BBX: variants seen among roughly 807,000 people sequenced by gnomAD.
BBX encodes HMG box transcription factor BBX.
A neutral mutation model predicts 100.2 loss-of-function variants in BBX; 30 were observed. The ratio of observed to expected loss-of-function variants is 0.30; its 90% CI spans 0.22 to 0.41. The LOEUF (loss-of-function observed/expected upper bound fraction) is 0.41. BBX is among the 10% of genes least tolerant of loss of function. The pLI, the probability that BBX is intolerant of heterozygous loss-of-function variation, is 1.00. For missense variants in BBX, 1,023 were observed against 1,129.8 expected (o/e 0.91, Z 1.35); for synonymous variants, 376 against 388.1 (o/e 0.97, Z 0.37).
chr3:107,626,276 A>T (rs1424656362), intron 2 of BBX, among the ~76,000 whole-genome samples: 2 of 152,230 alleles, frequency 1.3e-5, no homozygotes, highest in South Asian at 4.1e-4. Flanking sequence ...GAGAAAAAAC[A>T]GTTCAACAAA....
intron 3 of BBX, among the ~76,000 whole-genome samples, chr3:107,678,971 A>G (rs892989984): frequency 2.6e-5 from 4 of 152,146 alleles, no homozygotes; most frequent in Non-Finnish European, 5.9e-5. Flanking sequence ...CTTGCCCAAG[A>G]TTACACAGTT....
At chr3:107,695,773 T>C (rs1274178161) in intron 3 of BBX, among the ~76,000 whole-genome samples, 1 of 151,438 alleles carries the variant, frequency 6.6e-6, no homozygotes, top group East Asian at 1.9e-4. Flanking sequence ...GTCTTGTTGA[T>C]CTGTCTAATG....
chr3:107,711,321 T>C (rs1297816288), intron 4 of BBX: 2 of 471,016 alleles, frequency 4.2e-6, no homozygotes, highest in African/African-American at 4.0e-5. Flanking sequence ...GCCTGTCTCG[T>C]CCTTTCCTCT....
chr3:107,670,045 G>T (rs1299173926), intron 3 of BBX, among the ~76,000 whole-genome samples: 1 of 152,048 alleles, frequency 6.6e-6, no homozygotes, highest in Admixed American at 6.6e-5. Flanking sequence ...ATTCTTTCAT[G>T]TATATTAGTA....
rs768852246 is a variant in BBX, at chr3:107,733,067, T to C, written c.669+44T>C. Reference sequence around the variant, plus strand: ...GTCTCCACTCTGCTCATACTGTGGGTTGGGAACACAGTTATAGTCTGTTTA... The same window carrying C: ...GTCTCCACTCTGCTCATACTGTGGGCTGGGAACACAGTTATAGTCTGTTTA... On this transcript the variant is annotated intron_variant, in intron 7 of 17. Coordinates refer to ENST00000325805, the MANE Select transcript of BBX (RefSeq NM_001142568.3). 3.2e-6 allele frequency: 5 copies of C among 1,544,674 alleles called. No individual in the cohort carries two copies. In the Admixed American group the frequency reaches 8.6e-5, roughly 27 times the overall value.
At chr3:107,804,079 A>T (rs753668380) in intron 17 of BBX, among the ~76,000 whole-genome samples, 3 of 151,974 alleles carry the variant, frequency 2.0e-5, no homozygotes, top group Non-Finnish European at 2.9e-5. Flanking sequence ...AACAGGTGGT[A>T]TCTATAACAT....
chr3:107,562,952 T>TG (rs759820294), intron 2 of BBX, among the ~76,000 whole-genome samples: 3 of 152,276 alleles, frequency 2.0e-5, no homozygotes, highest in South Asian at 2.1e-4. Flanking sequence ...CTCCAAAATA[T>TG]GGGGGAAATT....
chr3:107,534,724 A>G (rs896972294), intron 2 of BBX, among the ~76,000 whole-genome samples: 1 of 152,236 alleles, frequency 6.6e-6, no homozygotes, highest in Non-Finnish European at 1.5e-5. Context: ...ATCCCTACAT[A>G]TGAAAGTGTC....
intron 2 of BBX, among the ~76,000 whole-genome samples, chr3:107,561,610 G>A (rs1442044963): frequency 6.6e-6 from 1 of 152,116 alleles, no homozygotes; most frequent in Non-Finnish European, 1.5e-5. Context: ...TACGCATATT[G>A]CAGAATAATT....
chr3:107,744,741 G>A (rs1440162671), intron 8 of BBX, 31 bp downstream of exon 8: 2 of 1,563,138 alleles, frequency 1.3e-6, no homozygotes, highest in African/African-American at 2.7e-5. Context: ...CTTAACTAAT[G>A]AGGAAATTGT....
chr3:107,574,659 A>C (rs1421821241), intron 2 of BBX, among the ~76,000 whole-genome samples: 1 of 152,248 alleles, frequency 6.6e-6, no homozygotes. Flanking sequence ...CACCTTTTAC[A>C]TCACCATTAT....
chr3:107,530,802 G>A (rs2048111824), intron 2 of BBX, among the ~76,000 whole-genome samples: 1 of 152,198 alleles, frequency 6.6e-6, no homozygotes, highest in African/African-American at 2.4e-5. Context: ...AGGACAAAGT[G>A]CAGTGCCCTC....
At chr3:107,679,553 T>C (rs1204928787) in intron 3 of BBX, among the ~76,000 whole-genome samples, 1 of 152,122 alleles carries the variant, frequency 6.6e-6, no homozygotes, top group Non-Finnish European at 1.5e-5. Flanking sequence ...ATAAATAAAA[T>C]ATCACCTCTT....
intron 13 of BBX, among the ~76,000 whole-genome samples, chr3:107,784,867 A>G (rs1333235423): frequency 2.6e-5 from 4 of 151,880 alleles, no homozygotes; most frequent in South Asian, 2.1e-4. Flanking sequence ...AGAAAAATCA[A>G]TGAAACCAAA....
In BBX at chr3:107,805,536, A is replaced by G. The variant is rs761774802; in HGVS notation, c.*79A>G. The G allele has an allele frequency of 3.1e-6, 5 of 1,611,014 alleles. No homozygotes were observed. The highest frequency in any genetic ancestry group is 4.2e-6 in the Non-Finnish European group (5 of 1,178,302). On this transcript the variant is annotated 3_prime_UTR_variant, in exon 18 of 18. Transcript: ENST00000325805. ...TTACCGAGGGATGCTAGTGAGTCCA[A>G]GTGGTGGAAAATATAGACTGCAAAC...
chr3:107,644,540 A>G (rs2057408019), intron 2 of BBX, among the ~76,000 whole-genome samples: 1 of 152,122 alleles, frequency 6.6e-6, no homozygotes, highest in South Asian at 2.1e-4. Context: ...AATGTTTTTG[A>G]TATTTATATG....
At chr3:107,637,419 T>C (rs2107751660) in intron 2 of BBX, among the ~76,000 whole-genome samples, 1 of 152,304 alleles carries the variant, frequency 6.6e-6, no homozygotes, top group East Asian at 1.9e-4. Flanking sequence ...TGTAATCTGG[T>C]CTGGAGCTTC....
chr3:107,558,795 C>T (rs1169291286), intron 2 of BBX, among the ~76,000 whole-genome samples: 5 of 152,160 alleles, frequency 3.3e-5, no homozygotes, highest in Admixed American at 2.0e-4. Context: ...CACCGGAGTC[C>T]ATCTTTCTAA....
At chr3:107,574,049 T>C (rs1340932254) in intron 2 of BBX, among the ~76,000 whole-genome samples, 3 of 152,244 alleles carry the variant, frequency 2.0e-5, no homozygotes, top group Admixed American at 2.0e-4. Flanking sequence ...TAAGTATTCT[T>C]ATGTTTGTTC....
Sources: gnomAD v4.1 joint callset for allele counts (sites outside exome capture counted in the v4.1 genomes callset) on GRCh38, gnomAD v4.1.1 for gene constraint, MANE v1.5 for transcripts, NCBI Gene and HGNC (gene_info 2026-07-23, HGNC 2026-07-21) for gene names.